Variants in LAMA3 observed in about 807,000 individuals in gnomAD.
LAMA3 encodes the protein laminin subunit alpha 3.
In LAMA3, 281 loss-of-function variants were observed where a neutral mutation model predicts 402.0. The observed-to-expected ratio is 0.70, with a 90% CI of 0.63 to 0.77. LAMA3 has a LOEUF of 0.77. Ranked by LOEUF, LAMA3 falls within the 30% of genes least tolerant of loss-of-function variation. The pLI, the probability that LAMA3 is intolerant of heterozygous loss-of-function variation, is 0.00. For missense variants in LAMA3, 3,840 were observed against 4,215.5 expected (o/e 0.91, Z 2.47); for synonymous variants, 1,431 against 1,558.4 (o/e 0.92, Z 1.93).
intron 65 of LAMA3, 74 bp from the exon 66 acceptor site, chr18:23,932,086 A>G: frequency 1.3e-6 from 2 of 1,547,818 alleles, no homozygotes; most frequent in South Asian, 2.2e-5. Flanking sequence ...AGTCTTAGAC[A>G]GTGAGTTGGC....
At chr18:23,894,798 C>T in intron 43 of LAMA3, 109 bp from the exon 44 acceptor site, 1 of 1,390,972 alleles carries the variant, frequency 7.2e-7, no homozygotes, top group Non-Finnish European at 1.0e-6. Flanking sequence ...GTGGTTGTCA[C>T]CCGTGACGAT....
At chr18:23,716,097 T>A (rs956842384) in intron 2 of LAMA3, among the ~76,000 whole-genome samples, 2 of 152,186 alleles carry the variant, frequency 1.3e-5, no homozygotes, top group African/African-American at 4.8e-5. Context: ...ATCCCTCTGA[T>A]ACCTAACCAC....
chr18:23,884,716 A>C lies in LAMA3; in HGVS notation c.5223-57A>C. 11 of 1,427,008 alleles carry C rather than the reference A, an allele frequency of 7.7e-6. No homozygotes were observed. The South Asian group carries it at 1.1e-4, about 15-fold the overall frequency. 88.4% of individuals were successfully genotyped at this position (1,427,008 alleles called of 1,614,324 possible). On this transcript the variant is annotated intron_variant, in intron 40 of 74. Coordinates refer to ENST00000313654, the MANE Select transcript of LAMA3 (RefSeq NM_198129.4). ...AGCCAGTCCTTTGTGGTAAAAAATA[A>C]GCATAAATCCTATCGATCTGTGTTT...
Position 23,824,536 on chromosome 18 carries a change from G to A in LAMA3, c.2542G>A (p.Ala848Thr). The A allele has an allele frequency of 6.2e-7, 1 of 1,614,122 alleles. No individual in the cohort carries two copies. Among genetic ancestry groups the A allele is most frequent in the Non-Finnish European group, 8.5e-7 (1 of 1,179,982 alleles). ...PFSITPGIWV[A>T]CIKAEGVLLD... Reference sequence around the variant, plus strand: ...TTCAATCACACCAGGAATATGGGTTGCTTGTATTAAGGCAGAAGGAGTCCT... The same window carrying A: ...TTCAATCACACCAGGAATATGGGTTACTTGTATTAAGGCAGAAGGAGTCCT... The change falls in exon 21 of 75, where the codon GCT becomes ACT. Residue 848 changes from alanine to threonine, a missense_variant. Transcript: ENST00000313654.
chr18:23,837,623 G>A (rs2063613760), intron 25 of LAMA3, among the ~76,000 whole-genome samples: 1 of 123,602 alleles, frequency 8.1e-6, no homozygotes, highest in Admixed American at 9.2e-5. Flanking sequence ...ATCAAGTGTG[G>A]CAGACTAAAT....
intron 14 of LAMA3, 121 bp from the exon 15 acceptor site, chr18:23,814,273 TCCCCCTGGA>T: frequency 1.4e-6 from 1 of 713,734 alleles, no homozygotes. Context: ...CAGTATTTTT[TCCCCCTGGA>T]TACACTTAAT....
At chr18:23,903,874 A>T (rs1360244685) in intron 49 of LAMA3, 59 bp from the exon 50 acceptor site, 2 of 1,372,918 alleles carry the variant, frequency 1.5e-6, no homozygotes, top group African/African-American at 2.9e-5. Flanking sequence ...AGTTTGAGAA[A>T]TCAGCACCTA....
At chr18:23,896,026 T>C (rs1433475137) in intron 44 of LAMA3, among the ~76,000 whole-genome samples, 1 of 152,226 alleles carries the variant, frequency 6.6e-6, no homozygotes, top group Non-Finnish European at 1.5e-5. Flanking sequence ...GACGTATCTG[T>C]AACCCATGTG....
At chr18:23,806,349 C>T (rs147721858) in intron 12 of LAMA3, among the ~76,000 whole-genome samples, 35 of 152,312 alleles carry the variant, frequency 2.3e-4, no homozygotes, top group Middle Eastern at 3.4e-3. Flanking sequence ...TGAAGTGTAG[C>T]GCACCTTCTC....
Position 23,909,257 on chromosome 18 carries a change from C to CGAG in LAMA3, c.7121_7123dup (p.Arg2374_Glu2375insGly). On this transcript the variant is annotated inframe_insertion, in exon 55 of 75. Transcript: ENST00000313654. ...CATCTCTGACAACATGGACAGAATA[C>CGAG]GAGAACTAATTCAGCAGGCCAGAGA... 2 of 1,613,428 alleles carry CGAG rather than the reference C, an allele frequency of 1.2e-6. No individual in the cohort carries two copies. Among genetic ancestry groups the CGAG allele is most frequent in the Non-Finnish European group, 1.7e-6 (2 of 1,179,972 alleles).
Position 23,949,852 on chromosome 18 carries a change from G to A in LAMA3, c.9439G>A (p.Val3147Met). 6.2e-7 allele frequency: 1 copy of A among 1,613,968 alleles called. No homozygotes were observed. The highest frequency in any genetic ancestry group is 8.5e-7 in the Non-Finnish European group (1 of 1,179,990). Residue 3147 changes from valine to methionine, a missense_variant, in exon 71 of 75, where the codon GTG becomes ATG. This residue lies in a region of LAMA3 where 840 missense variants were observed against 981.9 expected (regional missense o/e 0.86). Coordinates refer to ENST00000313654, the MANE Select transcript of LAMA3 (RefSeq NM_198129.4). ...PLYTPSSSFG[V>M]SSCLGGPLEK... ...GTATACCCCTTCTTCAAGCTTCGGGGTGTCTTCCTGCTTGGGTGGTCCTTT... is the reference window on the plus strand; with the variant it reads ...GTATACCCCTTCTTCAAGCTTCGGGATGTCTTCCTGCTTGGGTGGTCCTTT...
intron 2 of LAMA3, 89 bp downstream of exon 2, chr18:23,714,161 AAAC>A: frequency 7.5e-7 from 1 of 1,334,894 alleles, no homozygotes. Flanking sequence ...TGTAAAAAAA[AAAC>A]AAACTTCAGT....
intron 41 of LAMA3, among the ~76,000 whole-genome samples, chr18:23,889,594 T>TAAAG (rs763572688): frequency 1.5e-5 from 2 of 132,360 alleles, no homozygotes; most frequent in African/African-American, 2.8e-5. Flanking sequence ...AAGAGAGAAA[T>TAAAG]AAAGAAAGAA....
chr18:23,697,250 CTTTT>C lies in LAMA3; in HGVS notation c.294+7274_294+7277del, dbSNP rs1253749930. 2.3e-3 allele frequency among the ~76,000 whole-genome samples: 357 copies of C among 152,266 alleles called. 3 individuals are homozygous for C. The highest frequency in any genetic ancestry group is 4.1e-3 in the Admixed American group (62 of 15,294). ...TTTAGGTCAAAATCCTCTGTGTGAT[CTTTT>C]AGCCCCCAACATTTGCAATTACAAG... On this transcript the variant is annotated intron_variant, in intron 1 of 74. Transcript: ENST00000313654.
intron 2 of LAMA3, among the ~76,000 whole-genome samples, chr18:23,747,361 G>T (rs1016274391): frequency 4.6e-5 from 7 of 152,084 alleles, no homozygotes; most frequent in Admixed American, 2.6e-4. Flanking sequence ...GCATCATCCT[G>T]GCCATGGGCA....
chr18:23,862,918 C>T (rs1371121484), intron 35 of LAMA3, among the ~76,000 whole-genome samples: 2 of 151,800 alleles, frequency 1.3e-5, no homozygotes, highest in African/African-American at 4.8e-5. Context: ...CACGTGAGAC[C>T]CTCCATAGGC....
chr18:23,721,567 A>T (rs1271984570), intron 2 of LAMA3, among the ~76,000 whole-genome samples: 1 of 152,132 alleles, frequency 6.6e-6, no homozygotes, highest in Non-Finnish European at 1.5e-5. Context: ...AATGTTACAA[A>T]TCAGGGCTGC....
rs2080986891 is a variant in LAMA3 at position 23,899,336 on chromosome 18, C to T, written c.5885C>T (p.Pro1962Leu). ...SGTDGEGNNVPSGDFSREWAE... is the reference protein window; with the variant it reads ...SGTDGEGNNVLSGDFSREWAE... ...ACAGATGGAGAGGGAAACAACGTGC[C>T]TTCAGGTGACTTTTCCAGAGAGTGG... is the stretch of plus-strand genomic sequence containing the variant. Residue 1962 changes from proline (P) to leucine (L), a missense_variant, in exon 47 of 75, where the codon CCT becomes CTT. Coordinates refer to ENST00000313654, the MANE Select transcript of LAMA3 (RefSeq NM_198129.4). 2.5e-6 allele frequency: 4 copies of T among 1,613,978 alleles called. No homozygotes were observed. Among genetic ancestry groups the T allele is most frequent in the African/African-American group, 2.7e-5 (2 of 74,966 alleles).
chr18:23,904,002 T>G lies in LAMA3; in HGVS notation c.6388T>G (p.Ser2130Ala). Residue 2130 changes from serine to alanine, a missense_variant, in exon 50 of 75, where the codon TCC becomes GCC. Physicochemically the swap from Ser to Ala is moderately conservative, Grantham distance 99. This residue lies in a region of LAMA3 where 891 missense variants were observed against 857.5 expected (regional missense o/e 1.04). Transcript: ENST00000313654. ...QELSDKVREL[S>A]RSAGKTSLVE... The stretch of plus-strand genomic sequence containing the variant: ...ACTAAGTGACAAAGTAAGAGAACTT[T>G]CCAGATCTGCTGGCAAAACATCCCT... 1.9e-6 allele frequency: 3 copies of G among 1,614,162 alleles called. No homozygotes were observed. Among genetic ancestry groups the G allele is most frequent in the Non-Finnish European group, 2.5e-6 (3 of 1,180,020 alleles).
Sources: gnomAD v4.1 joint callset for allele counts (sites outside exome capture counted in the v4.1 genomes callset) on GRCh38, gnomAD v4.1.1 for gene constraint, gnomAD v4.1.1 regional missense constraint, MANE v1.5 for transcripts, NCBI Gene and HGNC (gene_info 2026-07-23, HGNC 2026-07-21) for gene names.